The following FLRT1 variants were observed in gnomAD, a reference collection of about 807,000 sequenced individuals.
The protein encoded by FLRT1 is fibronectin leucine rich transmembrane protein 1, also known as leucine-rich repeat transmembrane protein FLRT1.
A neutral mutation model predicts 30.9 loss-of-function variants in FLRT1; 14 were observed. The ratio of observed to expected loss-of-function variants is 0.45; its 90% CI spans 0.30 to 0.71. The LOEUF is 0.71. Ranked by LOEUF, FLRT1 falls within the 30% of genes least tolerant of loss-of-function variation. The pLI, the probability that FLRT1 is intolerant of heterozygous loss-of-function variation, is 0.08. For synonymous variants in FLRT1, 368 were observed against 430.4 expected, an observed-to-expected ratio of 0.85 and a Z score of 1.80; for missense variants, 737 against 949.2, an observed-to-expected ratio of 0.78 and a Z score of 2.94.
chr11:64,038,436 T>G lies in FLRT1; in HGVS notation c.-1038+2277T>G, dbSNP rs115058861. On this transcript the variant is annotated intron_variant, in intron 1 of 2. Transcript: ENST00000682287. ...GGTGGCATCTGTGCTTGCTTCGAAGTTAGCTGAGAGGACTAGGGCTCCAGG... is the reference window on the plus strand; with the variant it reads ...GGTGGCATCTGTGCTTGCTTCGAAGGTAGCTGAGAGGACTAGGGCTCCAGG... Among the ~76,000 whole-genome samples, 676 of 152,278 alleles carry G rather than the reference T, an allele frequency of 4.4e-3. 7 individuals are homozygous for G. The highest frequency in any genetic ancestry group is 0.015 in the African/African-American group (639 of 41,564).
chr11:64,107,774 G>A (rs180824057), intron 2 of FLRT1, among the ~76,000 whole-genome samples: 1 of 152,256 alleles, frequency 6.6e-6, no homozygotes, highest in East Asian at 1.9e-4. Context: ...GAGGGTCATG[G>A]CATCTAGTCC....
chr11:64,116,496 G>A lies in FLRT1; in HGVS notation c.229G>A (p.Ala77Thr), dbSNP rs770193280. 7.4e-6 allele frequency: 12 copies of A among 1,613,828 alleles called. No individual in the cohort carries two copies. The highest frequency in any genetic ancestry group is 2.2e-5 in the East Asian group (1 of 44,868). The change falls in exon 3 of 3, where the codon GCA becomes ACA. Residue 77 changes from alanine to threonine, a missense_variant. Physicochemically the swap from Ala to Thr is moderately conservative, Grantham distance 58. Coordinates refer to ENST00000682287, the MANE Select transcript of FLRT1 (RefSeq NM_013280.5). ...CGACCGGGGACTCACATCCATCCCC[G>A]CAGATATCCCTGATGATGCCACCAC... ...CNDRGLTSIP[A>T]DIPDDATTLY...
intron 1 of FLRT1, among the ~76,000 whole-genome samples, chr11:64,080,145 G>T (rs530833432): frequency 6.6e-6 from 1 of 152,008 alleles, no homozygotes; most frequent in Non-Finnish European, 1.5e-5. Flanking sequence ...CCCGAGTAGC[G>T]GGGATTACAG....
At chr11:64,100,869 G>T (rs1944658867) in intron 1 of FLRT1, among the ~76,000 whole-genome samples, 1 of 152,300 alleles carries the variant, frequency 6.6e-6, no homozygotes, top group South Asian at 2.1e-4. Context: ...GGGGGTGGGG[G>T]CTGCAGCAGG....
chr11:64,091,571 G>A (rs775984015), intron 1 of FLRT1, among the ~76,000 whole-genome samples: 12 of 152,128 alleles, frequency 7.9e-5, no homozygotes, highest in South Asian at 2.1e-4. Flanking sequence ...TCCTTCGGGC[G>A]TTTGCACAGC....
chr11:64,081,095 C>T (rs1169365488), intron 1 of FLRT1, among the ~76,000 whole-genome samples: 1 of 152,192 alleles, frequency 6.6e-6, no homozygotes, highest in African/African-American at 2.4e-5. Flanking sequence ...GATCTCAGCT[C>T]ACTGCAACCT....
chr11:64,037,590 G>A (rs1355470276), intron 1 of FLRT1, among the ~76,000 whole-genome samples: 1 of 152,178 alleles, frequency 6.6e-6, no homozygotes, highest in Non-Finnish European at 1.5e-5. Context: ...GGTGTGAGGG[G>A]CAGGAAGAGC....
At position 64,064,160 on chromosome 11, in the gene FLRT1, G is replaced by A. The variant is rs1943953836; in HGVS notation, c.-1038+28001G>A. 6.6e-6 allele frequency among the ~76,000 whole-genome samples: 1 copy of A among 152,156 alleles called. No individual in the cohort carries two copies. Among genetic ancestry groups the A allele is most frequent in the Non-Finnish European group, 1.5e-5 (1 of 68,028 alleles). ...TCCCTTTCAGCATCTTCTCTCTCTT[G>A]TCTTCTGAGGACAGATGCAGGCTGG... is the stretch of plus-strand genomic sequence containing the variant. On this transcript the variant is annotated intron_variant, in intron 1 of 2. Coordinates refer to ENST00000682287, the MANE Select transcript of FLRT1 (RefSeq NM_013280.5). This position sits in a 1 kb window ranked among gnomAD's most constrained non-coding sequence, Gnocchi z 4.5.
rs1590858967 is a variant in FLRT1, at chr11:64,064,678, A to T, written c.-1038+28519A>T. On this transcript the variant is annotated intron_variant, in intron 1 of 2. Coordinates refer to ENST00000682287, the MANE Select transcript of FLRT1 (RefSeq NM_013280.5). The surrounding 1 kb of genome is among the most constrained non-coding windows in gnomAD (Gnocchi z 4.5). ...TCTGGCAGGACATTAAACGGCACCG[A>T]GATAGAAGGAGGGGGGCCCTCCCTG... Among the ~76,000 whole-genome samples the T allele has an allele frequency of 9.3e-6, 1 of 107,828 alleles. No homozygotes were observed. The highest frequency in any genetic ancestry group is 5.8e-4 in the East Asian group (1 of 1,716). 70.7% of individuals were successfully genotyped at this position (107,828 alleles called of 152,430 possible).
At chr11:64,068,568 A>G (rs1590864676) in intron 1 of FLRT1, among the ~76,000 whole-genome samples, 1 of 152,356 alleles carries the variant, frequency 6.6e-6, no homozygotes, top group Admixed American at 6.5e-5. Flanking sequence ...AGAGCCCCGC[A>G]TTCCCATTTG....
chr11:64,070,223 C>G (rs1166609182), intron 1 of FLRT1, among the ~76,000 whole-genome samples: 1 of 152,096 alleles, frequency 6.6e-6, no homozygotes, highest in East Asian at 1.9e-4. Context: ...CCTGCTGCAC[C>G]AAGTGGGGTG....
chr11:64,074,048 C>G (rs973330840), intron 1 of FLRT1, among the ~76,000 whole-genome samples: 4 of 152,214 alleles, frequency 2.6e-5, no homozygotes, highest in African/African-American at 9.6e-5. Flanking sequence ...CCACTGTCAG[C>G]CCGGCCAGCT....
intron 2 of FLRT1, among the ~76,000 whole-genome samples, chr11:64,110,313 GGTGGTGCAGCAT>G (rs1037595151): frequency 3.3e-5 from 5 of 152,182 alleles, no homozygotes; most frequent in Admixed American, 3.3e-4. Flanking sequence ...AGCTGGGTGT[GGTGGTGCAGCAT>G]GTGGTCCCAG....
chr11:64,091,728 A>T (rs1474796902), intron 1 of FLRT1, among the ~76,000 whole-genome samples: 1 of 152,178 alleles, frequency 6.6e-6, no homozygotes, highest in Non-Finnish European at 1.5e-5. Context: ...CCACCTGGAC[A>T]CTGGCCATTA....
intron 2 of FLRT1, among the ~76,000 whole-genome samples, chr11:64,106,902 G>A (rs1944772103): frequency 6.6e-6 from 1 of 150,906 alleles, no homozygotes; most frequent in South Asian, 2.1e-4. Context: ...TTTTTTTTGA[G>A]ATAGGGTCTT....
chr11:64,047,021 T>G (rs958842241), intron 1 of FLRT1, among the ~76,000 whole-genome samples: 1 of 152,190 alleles, frequency 6.6e-6, no homozygotes, highest in Non-Finnish European at 1.5e-5. Flanking sequence ...CCCTGGCTGA[T>G]GCACCAGCCT....
At chr11:64,068,806 C>G (rs546499313) in intron 1 of FLRT1, among the ~76,000 whole-genome samples, 2 of 152,376 alleles carry the variant, frequency 1.3e-5, no homozygotes, top group East Asian at 1.9e-4. Context: ...GCTCCCCCAT[C>G]CTTTGTGGGC....
At chr11:64,116,095 C>T in intron 2 of FLRT1, 124 bp from the exon 3 acceptor site, 1 of 988,626 alleles carries the variant, frequency 1.0e-6, no homozygotes, top group Middle Eastern at 3.3e-4. Flanking sequence ...TTGACCTCAC[C>T]CCGCAGGACC....
At chr11:64,039,086 C>G (rs1943436032) in intron 1 of FLRT1, among the ~76,000 whole-genome samples, 2 of 152,178 alleles carry the variant, frequency 1.3e-5, no homozygotes. Context: ...TGGCCCTCAT[C>G]CCCTGCAGGC....
Sources: gnomAD v4.1 joint callset for allele counts (sites outside exome capture counted in the v4.1 genomes callset) on GRCh38, gnomAD v4.1.1 for gene constraint, Gnocchi (gnomAD v3.1) non-coding constraint, MANE v1.5 for transcripts, NCBI Gene and HGNC (gene_info 2026-07-23, HGNC 2026-07-21) for gene names.